Variants in ENTREP2 observed in about 807,000 individuals in gnomAD.
ENTREP2 encodes the protein protein ENTREP2.
At chr15:29,415,267 A>C in the ENTREP2 span, among the ~76,000 whole-genome samples, 1 of 152,198 alleles carries the variant, frequency 6.6e-6, no homozygotes, top group African/African-American at 2.4e-5. Context: ...ATACTGGCAA[A>C]CCGAATCCAG....
chr15:29,594,271 A>G, the ENTREP2 span, among the ~76,000 whole-genome samples: 1 of 152,138 alleles, frequency 6.6e-6, no homozygotes, highest in Non-Finnish European at 1.5e-5. Context: ...AATAAGGTCT[A>G]TTAGTTCCCC....
the ENTREP2 span, among the ~76,000 whole-genome samples, chr15:29,363,529 C>T: frequency 6.6e-6 from 1 of 151,884 alleles, no homozygotes; most frequent in Non-Finnish European, 1.5e-5. Context: ...ATATATGCAG[C>T]GTAAGATTTT....
the ENTREP2 span, among the ~76,000 whole-genome samples, chr15:29,530,432 T>C: frequency 6.6e-5 from 10 of 152,162 alleles, no homozygotes; most frequent in Non-Finnish European, 1.2e-4. Context: ...AACCTAAAAC[T>C]TGCTTCCACT....
the ENTREP2 span, among the ~76,000 whole-genome samples, chr15:29,470,213 G>T: frequency 2.6e-5 from 4 of 152,208 alleles, no homozygotes; most frequent in Non-Finnish European, 4.4e-5. Context: ...CTCAAGATTG[G>T]CAGAGGGGCT....
the ENTREP2 span, among the ~76,000 whole-genome samples, chr15:29,457,299 C>T: frequency 2.0e-5 from 3 of 152,208 alleles, no homozygotes; most frequent in South Asian, 2.1e-4. Flanking sequence ...AAGAAAATGA[C>T]GTCTTTGCTT....
the ENTREP2 span, among the ~76,000 whole-genome samples, chr15:29,531,787 T>C: frequency 1.2e-4 from 19 of 152,258 alleles, no homozygotes; most frequent in Admixed American, 2.6e-4. Context: ...TGCCTCAGCC[T>C]GGGGAGAAGC....
the ENTREP2 span, among the ~76,000 whole-genome samples, chr15:29,309,929 G>C: frequency 6.6e-6 from 1 of 152,048 alleles, no homozygotes; most frequent in African/African-American, 2.4e-5. Context: ...CCTGGGCATA[G>C]GACTGAGACT....
the ENTREP2 span, among the ~76,000 whole-genome samples, chr15:29,289,028 A>G: frequency 6.6e-6 from 1 of 151,962 alleles, no homozygotes; most frequent in Admixed American, 6.5e-5. Context: ...AACGTGGCAA[A>G]ACCCTGTCTC....
At chr15:29,173,469 T>A in the ENTREP2 span, among the ~76,000 whole-genome samples, 1 of 152,280 alleles carries the variant, frequency 6.6e-6, no homozygotes, top group East Asian at 1.9e-4. Context: ...TCCTCATCGC[T>A]CTGAGCCTTG....
At chr15:29,223,886 G>C in the ENTREP2 span, among the ~76,000 whole-genome samples, 1 of 152,200 alleles carries the variant, frequency 6.6e-6, no homozygotes, top group Non-Finnish European at 1.5e-5. Flanking sequence ...AGGACTGACA[G>C]ACGTCCCAGT....
At chr15:29,569,757 C>T in the ENTREP2 span, 4 of 152,352 alleles carry the variant, frequency 2.6e-5, no homozygotes, top group Admixed American at 2.6e-4. Context: ...GAGATTTGTT[C>T]ACCACTGGCT....
the ENTREP2 span, among the ~76,000 whole-genome samples, chr15:29,565,211 TAAA>T: frequency 6.6e-6 from 1 of 152,174 alleles, no homozygotes; most frequent in Non-Finnish European, 1.5e-5. Context: ...ATGAAATTAA[TAAA>T]AATGCTCAGC....
At chr15:29,591,898 A>AAGAAGAAGAAGAAGAAGAAGG in the ENTREP2 span, among the ~76,000 whole-genome samples, 3 of 145,908 alleles carry the variant, frequency 2.1e-5, no homozygotes, top group Non-Finnish European at 4.5e-5. Flanking sequence ...GAAGAAGAAG[A>AAGAAGAAGAAGAAGAAGAAGG]GAGAAAACAC....
chr15:29,418,168 T>C, the ENTREP2 span, among the ~76,000 whole-genome samples: 1 of 152,194 alleles, frequency 6.6e-6, no homozygotes, highest in Admixed American at 6.5e-5. Context: ...AAAACATTAA[T>C]ATCAGCACTA....
the ENTREP2 span, among the ~76,000 whole-genome samples, chr15:29,591,359 G>T: frequency 6.6e-6 from 1 of 152,300 alleles, no homozygotes; most frequent in East Asian, 1.9e-4. Flanking sequence ...CTCCTCACTT[G>T]CTTCTTCCCC....
At chr15:29,241,441 T>A in the ENTREP2 span, among the ~76,000 whole-genome samples, 3 of 148,858 alleles carry the variant, frequency 2.0e-5, no homozygotes, top group African/African-American at 7.4e-5. Context: ...TACACAAAAA[T>A]GGATACATCA....
At chr15:29,656,951 C>T in the ENTREP2 span, among the ~76,000 whole-genome samples, 2 of 152,288 alleles carry the variant, frequency 1.3e-5, no homozygotes, top group South Asian at 2.1e-4. Flanking sequence ...GCCCAAATTT[C>T]CCTCACCTTG....
At chr15:29,594,083 A>G in the ENTREP2 span, among the ~76,000 whole-genome samples, 1 of 152,054 alleles carries the variant, frequency 6.6e-6, no homozygotes, top group Non-Finnish European at 1.5e-5. Flanking sequence ...GTGAATCTAT[A>G]ATCGTTTTCC....
the ENTREP2 span, among the ~76,000 whole-genome samples, chr15:29,132,727 G>A: frequency 3.3e-5 from 5 of 152,308 alleles, no homozygotes; most frequent in South Asian, 8.3e-4. Flanking sequence ...CATTCCTTCC[G>A]GGGGCCGCTG....
Sources: gnomAD v4.1 joint callset for allele counts (sites outside exome capture counted in the v4.1 genomes callset) on GRCh38, gnomAD v4.1.1 for gene constraint, MANE v1.5 for transcripts, NCBI Gene and HGNC (gene_info 2026-07-23, HGNC 2026-07-21) for gene names.